ITGB3: variants seen among roughly 807,000 people sequenced by gnomAD.
The protein encoded by ITGB3 is integrin beta-3.
In ITGB3, 48 loss-of-function variants were observed where a neutral mutation model predicts 85.8. The ratio of observed to expected loss-of-function variants is 0.56; its 90% CI spans 0.44 to 0.71. The LOEUF (loss-of-function observed/expected upper bound fraction) is 0.71, where lower values mean the gene tolerates loss of function less well. Among genes scored for constraint, ITGB3 ranks in the 30% least tolerant of loss-of-function variants. The pLI, the probability that ITGB3 is intolerant of heterozygous loss-of-function variation, is 0.00. For missense variants in ITGB3, 861 were observed against 1,019.1 expected (o/e 0.84, Z 2.11); for synonymous variants, 363 against 395.6 (o/e 0.92, Z 0.98).
chr17:47,310,064 G>A (rs573623444), intron 14 of ITGB3, 75 bp from the exon 15 acceptor site: 2 of 1,315,242 alleles, frequency 1.5e-6, no homozygotes, highest in Admixed American at 1.7e-5. Flanking sequence ...AAACTTCTGA[G>A]ATGAATTTTA....
At chr17:47,291,930 G>C (rs758239252) in intron 9 of ITGB3, among the ~76,000 whole-genome samples, 1 of 152,206 alleles carries the variant, frequency 6.6e-6, no homozygotes. Flanking sequence ...CATCCAGCTA[G>C]ATATGTCACA....
intron 1 of ITGB3, among the ~76,000 whole-genome samples, chr17:47,269,813 C>G (rs2065038055): frequency 6.6e-6 from 1 of 152,190 alleles, no homozygotes. Context: ...TAGCAGCACT[C>G]CACTCTACCA....
intron 10 of ITGB3, among the ~76,000 whole-genome samples, chr17:47,296,911 G>T (rs35735886): frequency 0.081 from 12,306 of 152,196 alleles, 701 homozygotes; most frequent in East Asian, 0.22. Context: ...ACAGGGCATG[G>T]AAATATCTAC....
chr17:47,273,026 C>T (rs115826164), intron 1 of ITGB3, among the ~76,000 whole-genome samples: 3,099 of 152,290 alleles, frequency 0.02, 91 homozygotes, highest in African/African-American at 0.071. Flanking sequence ...CCGCCTGCCT[C>T]GTCCTCCCAA....
intron 2 of ITGB3, among the ~76,000 whole-genome samples, chr17:47,276,928 T>G (rs1254585681): frequency 6.6e-6 from 1 of 152,056 alleles, no homozygotes; most frequent in Admixed American, 6.5e-5. Context: ...CTCCCCTGAG[T>G]TGGCTGTTCC....
intron 1 of ITGB3, among the ~76,000 whole-genome samples, chr17:47,262,537 T>C (rs1390962285): frequency 6.6e-6 from 1 of 152,194 alleles, no homozygotes; most frequent in Non-Finnish European, 1.5e-5. Flanking sequence ...GTTTTCTGGC[T>C]GGAAGAGTGG....
chr17:47,303,262 AAAC>A (rs1377557257), intron 13 of ITGB3, among the ~76,000 whole-genome samples: 1 of 152,022 alleles, frequency 6.6e-6, no homozygotes, highest in African/African-American at 2.4e-5. Flanking sequence ...AAAAACAAAC[AAAC>A]AACAACAACA....
chr17:47,263,014 G>A (rs945501954), intron 1 of ITGB3, among the ~76,000 whole-genome samples: 3 of 152,126 alleles, frequency 2.0e-5, no homozygotes, highest in Non-Finnish European at 2.9e-5. Flanking sequence ...ATCACTTCTC[G>A]ACTATGAATG....
chr17:47,301,486 G>A (rs545896555), intron 12 of ITGB3, among the ~76,000 whole-genome samples: 1 of 152,280 alleles, frequency 6.6e-6, no homozygotes, highest in East Asian at 1.9e-4. Flanking sequence ...TGAGTTTGAA[G>A]AAACAGTTTT....
At position 47,302,820 on chromosome 17, in the gene ITGB3, T is replaced by C. The variant is rs753006260; in HGVS notation, c.2114T>C (p.Leu705Pro). ...YYEDSSGKSI[L>P]YVVEEPECPK... ...GAAGATTCTAGTGGAAAGTCCATCCTGTATGTGGTAGAAGAGCCAGGTGAG... is the reference window on the plus strand; with the variant it reads ...GAAGATTCTAGTGGAAAGTCCATCCCGTATGTGGTAGAAGAGCCAGGTGAG... The change falls in exon 13 of 15, where the codon CTG becomes CCG. Residue 705 changes from leucine (L) to proline (P), a missense_variant. Physicochemically the swap from Leu to Pro is moderately conservative, Grantham distance 98 (BLOSUM62 -3). Coordinates refer to ENST00000559488, the MANE Select transcript of ITGB3 (RefSeq NM_000212.3). 6.2e-7 allele frequency: 1 copy of C among 1,614,132 alleles called. No individual in the cohort carries two copies. Among genetic ancestry groups the C allele is most frequent in the African/African-American group, 1.3e-5 (1 of 74,950 alleles).
At chr17:47,308,773 C>T (rs2065200573) in intron 14 of ITGB3, among the ~76,000 whole-genome samples, 1 of 152,116 alleles carries the variant, frequency 6.6e-6, no homozygotes, top group African/African-American at 2.4e-5. Flanking sequence ...TGCTAGGATT[C>T]CAGGCGTGAG....
chr17:47,306,845 A>G (rs897700499), intron 13 of ITGB3, among the ~76,000 whole-genome samples: 20 of 151,522 alleles, frequency 1.3e-4, no homozygotes, highest in African/African-American at 4.8e-4. Context: ...ATGCTAGGCT[A>G]ATTTTTGTAG....
intron 2 of ITGB3, among the ~76,000 whole-genome samples, chr17:47,275,662 G>A (rs1394256983): frequency 6.6e-6 from 1 of 152,238 alleles, no homozygotes; most frequent in Non-Finnish European, 1.5e-5. Context: ...CTGGGGGGAG[G>A]GGCGGGAGCT....
chr17:47,254,945 G>A (rs2064983232), intron 1 of ITGB3, among the ~76,000 whole-genome samples: 1 of 151,762 alleles, frequency 6.6e-6, no homozygotes, highest in African/African-American at 2.4e-5. Flanking sequence ...ACACCCTGCA[G>A]AAGGGATTTG....
Position 47,291,008 on chromosome 17 carries a change from C to G in ITGB3, c.1180C>G (p.Leu394Val), listed in dbSNP as rs148794549. 3.8e-5 allele frequency: 61 copies of G among 1,614,018 alleles called. No individual in the cohort carries two copies. The African/African-American group carries it at 7.9e-4, about 21-fold the overall frequency. Reference sequence around the variant, plus strand: ...GCGTGACCTCCCTGAAGAGTTGTCTCTATCCTTCAATGCCACCTGCCTCAA... The same window carrying G: ...GCGTGACCTCCCTGAAGAGTTGTCTGTATCCTTCAATGCCACCTGCCTCAA... ...EVRDLPEELS[L>V]SFNATCLNNE... Residue 394 changes from leucine (L) to valine (V), a missense_variant, in exon 9 of 15, where the codon CTA becomes GTA. Transcript: ENST00000559488.
At chr17:47,258,000 T>G (rs1257780686) in intron 1 of ITGB3, among the ~76,000 whole-genome samples, 2 of 152,132 alleles carry the variant, frequency 1.3e-5, no homozygotes, top group African/African-American at 2.4e-5. Context: ...GGATCTGAGG[T>G]TATCATCCCC....
chr17:47,288,898 C>T (rs570140068), intron 6 of ITGB3, among the ~76,000 whole-genome samples: 32 of 152,208 alleles, frequency 2.1e-4, no homozygotes, highest in African/African-American at 7.2e-4. Context: ...TGTGGCTATA[C>T]GTATCCAAGG....
Position 47,302,766 on chromosome 17 carries a change from A to G in ITGB3, c.2060A>G (p.Asp687Gly). ...GTGAATTGTACCTATAAGAATGAGG[A>G]TGACTGTGTCGTCAGATTCCAGTAC... Reference protein sequence around the residue: ...DAVNCTYKNEDDCVVRFQYYE... With the variant: ...DAVNCTYKNEGDCVVRFQYYE... The change falls in exon 13 of 15, where the codon GAT becomes GGT. Residue 687 changes from aspartate to glycine, a missense_variant. Asp to Gly is a moderately conservative substitution (Grantham distance 94, BLOSUM62 -1). Transcript: ENST00000559488. The G allele has an allele frequency of 6.2e-7, 1 of 1,614,032 alleles. No individual in the cohort carries two copies. The highest frequency in any genetic ancestry group is 1.3e-5 in the African/African-American group (1 of 75,052).
chr17:47,302,958 A>G, intron 13 of ITGB3, 118 bp downstream of exon 13: 1 of 1,182,792 alleles, frequency 8.5e-7, no homozygotes, highest in Non-Finnish European at 1.2e-6. Context: ...TGCAAGTGAT[A>G]AGTTAGGGGC....
Sources: gnomAD v4.1 joint callset for allele counts (sites outside exome capture counted in the v4.1 genomes callset) on GRCh38, gnomAD v4.1.1 for gene constraint, MANE v1.5 for transcripts, NCBI Gene and HGNC (gene_info 2026-07-23, HGNC 2026-07-21) for gene names.